ART4: variants seen among roughly 807,000 people sequenced by gnomAD.
ART4 encodes the protein ADP-ribosyltransferase 4 (inactive) (Dombrock blood group).
A neutral mutation model predicts 24.2 loss-of-function variants in ART4; 14 were observed. The observed-to-expected ratio is 0.58, with a 90% CI of 0.38 to 0.90. ART4 has a LOEUF of 0.90. ART4 is among the 40% of genes least tolerant of loss of function. The pLI, the probability that ART4 is intolerant of heterozygous loss-of-function variation, is 0.00. For synonymous variants in ART4, 145 were observed against 139.9 expected (o/e 1.04, Z -0.26); for missense variants, 356 against 366.6 (o/e 0.97, Z 0.24).
chr12:14,839,606 C>G (rs779409337), intron 2 of ART4, among the ~76,000 whole-genome samples: 4 of 152,128 alleles, frequency 2.6e-5, no homozygotes, highest in Non-Finnish European at 1.5e-5. Flanking sequence ...AACTAACCTG[C>G]TCACATGACA....
chr12:14,839,919 T>C (rs1950454965), intron 2 of ART4, among the ~76,000 whole-genome samples: 1 of 152,240 alleles, frequency 6.6e-6, no homozygotes, highest in Non-Finnish European at 1.5e-5. Context: ...ATTTGGTATA[T>C]CACTTAGTAC....
chr12:14,833,679 A>G (rs1950410813), intron 2 of ART4, among the ~76,000 whole-genome samples: 1 of 152,162 alleles, frequency 6.6e-6, no homozygotes. Flanking sequence ...GAAATACATA[A>G]TGATTATAAC....
intron 2 of ART4, among the ~76,000 whole-genome samples, chr12:14,830,157 C>A (rs1950385123): frequency 9.8e-6 from 1 of 102,068 alleles, no homozygotes; most frequent in African/African-American, 3.6e-5. Flanking sequence ...TGTGTGTGTT[C>A]TAACTACACA....
rs56340844 is a variant in ART4 at position 14,840,856 on chromosome 12, G to A, written c.442C>T (p.Gln148Ter). The change falls in exon 2 of 3, where the codon CAG becomes TAG. Residue 148 changes from glutamine to a stop codon, truncating the protein, a stop_gained. Coordinates refer to ENST00000228936, the MANE Select transcript of ART4 (RefSeq NM_021071.4). LOFTEE classifies it high-confidence loss of function. The part of the protein sequence containing the change: ...RAMASVARTP[Q>*]QYERSFHFKY... ...AAGTGGAATGAACGTTCATACTGCT[G>A]TGGAGTCCTGGCAACAGAGGCCATG... The A allele has an allele frequency of 1.9e-6, 3 of 1,614,208 alleles. 1 individual carries two copies. In the South Asian group the frequency reaches 3.3e-5, roughly 18 times the overall value.
chr12:14,838,142 A>C (rs1195015755), intron 2 of ART4, among the ~76,000 whole-genome samples: 1 of 152,210 alleles, frequency 6.6e-6, no homozygotes, highest in Non-Finnish European at 1.5e-5. Flanking sequence ...TTAGTGATCT[A>C]TGTGGCTACC....
chr12:14,842,243 T>G (rs1160457387), intron 1 of ART4, among the ~76,000 whole-genome samples: 5 of 152,230 alleles, frequency 3.3e-5, no homozygotes, highest in African/African-American at 1.2e-4. Context: ...TAAACAGTAC[T>G]CATTGAGGGA....
chr12:14,826,473 T>A lies in ART4; in HGVS notation c.*2898A>T, dbSNP rs1010655938. ...AAAACAGACTGTTCAATTTCTGTAGTCTGTAGTCTGGGATCAGGCCCTAAA... is the reference window on the plus strand; with the variant it reads ...AAAACAGACTGTTCAATTTCTGTAGACTGTAGTCTGGGATCAGGCCCTAAA... On this transcript the variant is annotated 3_prime_UTR_variant, in exon 3 of 3. Transcript: ENST00000228936. 1 of 152,188 alleles carries A rather than the reference T, an allele frequency of 6.6e-6. No homozygotes were observed. The highest frequency in any genetic ancestry group is 2.4e-5 in the African/African-American group (1 of 41,448). The allele number at this position is 152,188 out of a possible 1,614,324, so 9.4% of individuals were successfully genotyped here. A position where few individuals can be genotyped will look rare whatever the true frequency, so the allele number is the denominator to read the frequency against.
intron 2 of ART4, among the ~76,000 whole-genome samples, chr12:14,839,270 C>G (rs564889163): frequency 3.3e-5 from 5 of 152,172 alleles, no homozygotes; most frequent in Non-Finnish European, 5.9e-5. Context: ...CTATTCTTTT[C>G]CCATATCCTA....
chr12:14,843,437 C>G lies in ART4; in HGVS notation c.-324G>C. On this transcript the variant is annotated 5_prime_UTR_variant, in exon 1 of 3. Transcript: ENST00000228936. ...CTGTATTCAGGGGAATGCCGAAGTCCTGTTAAGTGTCAGACTCAGCAGTTC... is the reference window on the plus strand; with the variant it reads ...CTGTATTCAGGGGAATGCCGAAGTCGTGTTAAGTGTCAGACTCAGCAGTTC... 4.9e-6 allele frequency: 1 copy of G among 206,044 alleles called. No individual in the cohort carries two copies. The highest frequency in any genetic ancestry group is 7.7e-5 in the South Asian group (1 of 12,976). 12.8% of individuals were successfully genotyped at this position (206,044 alleles called of 1,614,324 possible).
At position 14,826,992 on chromosome 12, in the gene ART4, C is replaced by A. The variant is rs1950363471; in HGVS notation, c.*2379G>T. 1 of 152,010 alleles carries A rather than the reference C, an allele frequency of 6.6e-6. No individual in the cohort carries two copies. 9.4% of individuals were successfully genotyped at this position (152,010 alleles called of 1,614,324 possible). A position where few individuals can be genotyped will look rare whatever the true frequency, so the allele number is the denominator to read the frequency against. On this transcript the variant is annotated 3_prime_UTR_variant, in exon 3 of 3. Transcript: ENST00000228936. The stretch of plus-strand genomic sequence containing the variant: ...CTTACTTAAAGCCTTCCGGGTGTCT[C>A]TTCTTGCCTCAGTTGGAAGAAATCT...
At chr12:14,830,635 T>C (rs1950388806) in intron 2 of ART4, among the ~76,000 whole-genome samples, 1 of 118,984 alleles carries the variant, frequency 8.4e-6, no homozygotes, top group Admixed American at 9.4e-5. Context: ...TGTGTATGTG[T>C]GTACTGTATG....
intron 2 of ART4, 116 bp downstream of exon 2, chr12:14,840,329 C>A: frequency 1.2e-6 from 1 of 840,858 alleles, no homozygotes; most frequent in East Asian, 2.7e-5. Context: ...CCATCATTAC[C>A]GAAGGCTAGT....
chr12:14,831,114 G>C (rs764679293), intron 2 of ART4, among the ~76,000 whole-genome samples: 3 of 151,870 alleles, frequency 2.0e-5, no homozygotes, highest in Non-Finnish European at 4.4e-5. Flanking sequence ...TGAGCTTCCT[G>C]GAATGTAATG....
At chr12:14,833,815 T>C (rs904776129) in intron 2 of ART4, among the ~76,000 whole-genome samples, 1 of 152,228 alleles carries the variant, frequency 6.6e-6, no homozygotes, top group African/African-American at 2.4e-5. Context: ...ATGCTATCTA[T>C]AGCCTCTTTC....
chr12:14,831,347 G>A (rs1781357054), intron 2 of ART4, among the ~76,000 whole-genome samples: 1 of 148,052 alleles, frequency 6.8e-6, no homozygotes, highest in Admixed American at 6.8e-5. Context: ...TCTGCTCACT[G>A]CAACATCAGC....
chr12:14,829,141 G>T lies in ART4; in HGVS notation c.*230C>A. On this transcript the variant is annotated 3_prime_UTR_variant, in exon 3 of 3. Coordinates refer to ENST00000228936, the MANE Select transcript of ART4 (RefSeq NM_021071.4). ...GCCAGCTCTGCATCAGTTGCTAGCT[G>T]GGCAGAGTGATTTCCCCAAGAGTAC... 3.0e-6 allele frequency: 1 copy of T among 331,906 alleles called. No homozygotes were observed. Among genetic ancestry groups the T allele is most frequent in the Non-Finnish European group, 5.3e-6 (1 of 187,022 alleles). The allele number at this position is 331,906 out of a possible 1,614,324, so 20.6% of individuals were successfully genotyped here.
intron 2 of ART4, among the ~76,000 whole-genome samples, chr12:14,831,473 C>CA (rs1950395550): frequency 6.6e-6 from 1 of 151,788 alleles, no homozygotes; most frequent in Non-Finnish European, 1.5e-5. Context: ...CCACATTGCC[C>CA]AGGCTGGTCT....
chr12:14,842,578 T>C (rs1863067123), intron 1 of ART4, among the ~76,000 whole-genome samples: 1 of 152,240 alleles, frequency 6.6e-6, no homozygotes, highest in South Asian at 2.1e-4. Context: ...TGTCATCTCT[T>C]AACATTAGGT....
chr12:14,843,145 C>T lies in ART4; in HGVS notation c.-32G>A, dbSNP rs564339931. The T allele has an allele frequency of 1.9e-6, 3 of 1,612,084 alleles. No individual in the cohort carries two copies. In the African/African-American group the frequency reaches 4.0e-5, roughly 21 times the overall value. On this transcript the variant is annotated 5_prime_UTR_variant, in exon 1 of 3. Coordinates refer to ENST00000228936, the MANE Select transcript of ART4 (RefSeq NM_021071.4). ...GTGTCACAAGTACTTCTCCTTTGCC[C>T]TTGCAGCTTCATCCTGAGATGAATT...
Sources: allele counts gnomAD v4.1 joint callset (sites outside exome capture counted in the v4.1 genomes callset), GRCh38; gene constraint gnomAD v4.1.1; transcripts MANE v1.5; gene names NCBI Gene and HGNC (gene_info 2026-07-23, HGNC 2026-07-21).